Variants in IGF2R observed in about 807,000 individuals in gnomAD.
IGF2R encodes cation-independent mannose-6-phosphate receptor.
A neutral mutation model predicts 270.6 loss-of-function variants in IGF2R; 91 were observed. The observed-to-expected ratio is 0.34, with a 90% confidence interval of 0.28 to 0.40. The LOEUF is 0.40. Ranked by LOEUF, IGF2R falls within the 10% of genes least tolerant of loss-of-function variation. The probability of loss-of-function intolerance (pLI) is 1.00; values close to 1 mark genes in which losing one functional copy is unlikely to be tolerated. For synonymous variants in IGF2R, 1,316 were observed against 1,258.9 expected (o/e 1.05, Z -0.96); for missense variants, 2,805 against 3,188.3 (o/e 0.88, Z 2.90).
Position 160,044,370 on chromosome 6 carries a change from G to T in IGF2R, c.1622-144G>T, listed in dbSNP as rs147241202. ...ATCCGCTGCCTTGGTGGGTTCAGGG[G>T]GCTGGAGAAGGGCTGCACGTGCTGG... On this transcript the variant is annotated intron_variant, in intron 12 of 47. Transcript: ENST00000356956. 535 of 752,340 alleles carry T rather than the reference G, an allele frequency of 7.1e-4. 4 individuals carry two copies. In the African/African-American group the frequency reaches 8.6e-3, roughly 12 times the overall value. 46.6% of individuals were successfully genotyped at this position (752,340 alleles called of 1,614,324 possible).
intron 1 of IGF2R, among the ~76,000 whole-genome samples, chr6:159,987,934 C>G (rs933782950): frequency 6.6e-6 from 1 of 152,100 alleles, no homozygotes; most frequent in Non-Finnish European, 1.5e-5. Flanking sequence ...TTAAATCACC[C>G]CCCTGAAAAA....
intron 1 of IGF2R, among the ~76,000 whole-genome samples, chr6:159,969,910 C>T (rs1342186981): frequency 2.0e-5 from 3 of 152,000 alleles, no homozygotes; most frequent in Non-Finnish European, 4.4e-5. Flanking sequence ...TGATTGATTT[C>T]CCCCCGTGGG....
intron 7 of IGF2R, among the ~76,000 whole-genome samples, chr6:160,031,744 G>A (rs1777701810): frequency 6.6e-6 from 1 of 152,128 alleles, no homozygotes; most frequent in African/African-American, 2.4e-5. Flanking sequence ...TGTAAACCTG[G>A]CACCTAGTGC....
At chr6:160,047,030 T>C (rs1778083529) in intron 15 of IGF2R, 129 bp from the exon 16 acceptor site, 1 of 796,650 alleles carries the variant, frequency 1.3e-6, no homozygotes, top group Non-Finnish European at 2.1e-6. Context: ...TGTGGGTTCC[T>C]GTGGTCTGCA....
chr6:159,993,433 A>C (rs1784007251), intron 2 of IGF2R, among the ~76,000 whole-genome samples: 1 of 152,142 alleles, frequency 6.6e-6, no homozygotes, highest in South Asian at 2.1e-4. Context: ...ATTCTTCTGC[A>C]TGTGGCTGTC....
intron 1 of IGF2R, among the ~76,000 whole-genome samples, chr6:159,976,148 G>A (rs1470386065): frequency 3.3e-5 from 5 of 152,054 alleles, no homozygotes. Context: ...GAATATCATC[G>A]GGGAGGACTT....
Position 160,042,765 on chromosome 6 carries a change from C to T in IGF2R, c.1481-383C>T, listed in dbSNP as rs537325192. Among the ~76,000 whole-genome samples, 11 of 152,256 alleles carry T rather than the reference C, an allele frequency of 7.2e-5. No homozygotes were observed. The East Asian group carries it at 1.9e-3, about 27-fold the overall frequency. On this transcript the variant is annotated intron_variant, in intron 11 of 47. Coordinates refer to ENST00000356956, the MANE Select transcript of IGF2R (RefSeq NM_000876.4). The stretch of plus-strand genomic sequence containing the variant: ...GGGGTGTATTAGCAATGGTGTTAAG[C>T]GGGGTGTACTAGCAATGATGTACCA...
intron 14 of IGF2R, among the ~76,000 whole-genome samples, chr6:160,046,163 C>A (rs931185987): frequency 4.6e-5 from 7 of 152,182 alleles, no homozygotes; most frequent in Admixed American, 4.6e-4. Context: ...GGCAAGAAAC[C>A]TCTCTGAGGG....
chr6:159,993,951 A>G (rs1055712642), intron 2 of IGF2R, among the ~76,000 whole-genome samples: 1 of 143,856 alleles, frequency 7.0e-6, no homozygotes, highest in African/African-American at 2.6e-5. Context: ...TACTGGCTTC[A>G]TAGAACAAGT....
chr6:160,051,940 C>T lies in IGF2R; in HGVS notation c.2694+1288C>T, dbSNP rs760642749. 7.0e-4 allele frequency among the ~76,000 whole-genome samples: 104 copies of T among 149,364 alleles called. 1 individual carries two copies. Among genetic ancestry groups the T allele is most frequent in the African/African-American group, 5.0e-4 (20 of 40,358 alleles). On this transcript the variant is annotated intron_variant, in intron 19 of 47. Coordinates refer to ENST00000356956, the MANE Select transcript of IGF2R (RefSeq NM_000876.4). ...TTGCACTGCAGCCTGGGAGACAAAGCGAGCCCCTGTCTCAAAAAAAAAAAA... is the reference window on the plus strand; with the variant it reads ...TTGCACTGCAGCCTGGGAGACAAAGTGAGCCCCTGTCTCAAAAAAAAAAAA...
intron 19 of IGF2R, among the ~76,000 whole-genome samples, chr6:160,055,441 AAGGAAGAAAGGGCCGCTCTCCC>A (rs1321612899): frequency 6.6e-6 from 1 of 152,134 alleles, no homozygotes; most frequent in East Asian, 1.9e-4. Context: ...ACACTCACTG[AAGGAAGAAAGGGCCGCTCTCCC>A]AGGGGTTTGC....
Position 160,087,901 on chromosome 6 carries a change from C to G in IGF2R, c.6206-132C>G, listed in dbSNP as rs1365476218. ...ATGTTGGTCAGGCTGGTCTCTAACT[C>G]CTGACCTCAAGTGATCTGCCCTCTT... On this transcript the variant is annotated intron_variant, in intron 41 of 47. Transcript: ENST00000356956. 3 of 633,090 alleles carry G rather than the reference C, an allele frequency of 4.7e-6. No individual in the cohort carries two copies. In the East Asian group the frequency reaches 8.6e-5, roughly 18 times the overall value. 39.2% of individuals were successfully genotyped at this position (633,090 alleles called of 1,614,324 possible).
intron 4 of IGF2R, among the ~76,000 whole-genome samples, chr6:160,022,022 A>ACACC (rs763285010): frequency 2.6e-5 from 4 of 151,604 alleles, no homozygotes; most frequent in Non-Finnish European, 5.9e-5. Context: ...GAACACACAC[A>ACACC]CACACACACA....
chr6:160,088,307 A>G (rs1410287486), intron 42 of IGF2R, among the ~76,000 whole-genome samples, 160 bp downstream of exon 42: 1 of 152,114 alleles, frequency 6.6e-6, no homozygotes, highest in African/African-American at 2.4e-5. Flanking sequence ...GGCAGGGAAG[A>G]CCTCCAGATA....
intron 1 of IGF2R, among the ~76,000 whole-genome samples, chr6:159,990,877 C>T (rs746982468): frequency 6.6e-6 from 1 of 152,314 alleles, no homozygotes; most frequent in East Asian, 1.9e-4. Flanking sequence ...ATCCACCCAC[C>T]TCGGCCTCCC....
intron 29 of IGF2R, among the ~76,000 whole-genome samples, chr6:160,065,870 G>A (rs1038658586): frequency 2.6e-4 from 29 of 112,442 alleles, no homozygotes; most frequent in Non-Finnish European, 4.1e-4. Flanking sequence ...ATGGAATCTC[G>A]CTCTGTCACC....
Position 160,107,260 on chromosome 6 carries a change from C to G in IGF2R, c.*2176C>G, listed in dbSNP as rs1230100305. ...AGGCCATTCCCACCTCCTGCTAAGA[C>G]CATGGGGAGCCCTCTCTGTAAGGAG... On this transcript the variant is annotated 3_prime_UTR_variant, in exon 48 of 48. Coordinates refer to ENST00000356956, the MANE Select transcript of IGF2R (RefSeq NM_000876.4). The G allele has an allele frequency of 6.6e-6, 1 of 152,280 alleles. No individual in the cohort carries two copies. Among genetic ancestry groups the G allele is most frequent in the African/African-American group, 2.4e-5 (1 of 41,468 alleles). The allele number at this position is 152,280 out of a possible 1,614,324, so 9.4% of individuals were successfully genotyped here. A position where few individuals can be genotyped will look rare whatever the true frequency, so the allele number is the denominator to read the frequency against.
At chr6:159,976,543 A>C (rs1301242234) in intron 1 of IGF2R, among the ~76,000 whole-genome samples, 1 of 152,110 alleles carries the variant, frequency 6.6e-6, no homozygotes, top group African/African-American at 2.4e-5. Flanking sequence ...TTTGACTTGA[A>C]TGCTTAGCTC....
intron 3 of IGF2R, among the ~76,000 whole-genome samples, chr6:160,009,903 T>C (rs1023439671): frequency 3.3e-5 from 5 of 152,210 alleles, no homozygotes; most frequent in African/African-American, 1.2e-4. Flanking sequence ...CCACAGTGTC[T>C]TATCTGAAGA....
Sources: allele counts gnomAD v4.1 joint callset (sites outside exome capture counted in the v4.1 genomes callset), GRCh38; gene constraint gnomAD v4.1.1; transcripts MANE v1.5; gene names NCBI Gene and HGNC (gene_info 2026-07-23, HGNC 2026-07-21).